The following PRKCA variants were observed in gnomAD, a reference collection of about 807,000 sequenced individuals.
PRKCA encodes protein kinase C alpha type.
In PRKCA, 27 loss-of-function variants were observed where a neutral mutation model predicts 87.0. That is an observed-to-expected ratio of 0.31 (90% CI 0.23 to 0.43). The LOEUF (loss-of-function observed/expected upper bound fraction) is 0.43. Ranked by LOEUF, PRKCA falls within the 20% of genes least tolerant of loss-of-function variation. The pLI is 1.00. For missense variants in PRKCA, 518 were observed against 852.3 expected, an observed-to-expected ratio of 0.61 and a Z score of 4.88; for synonymous variants, 329 against 311.1, an observed-to-expected ratio of 1.06 and a Z score of -0.61.
chr17:66,554,622 T>TG (rs1968441104), intron 3 of PRKCA: 2 of 790,048 alleles, frequency 2.5e-6, no homozygotes, highest in Non-Finnish European at 3.1e-6. Flanking sequence ...TTTTTTTTGG[T>TG]GGGGGGCACT....
intron 16 of PRKCA, 92 bp downstream of exon 16, chr17:66,789,071 G>A (rs1481118935): frequency 9.3e-5 from 128 of 1,371,670 alleles, no homozygotes; most frequent in East Asian, 1.1e-4. Context: ...AGAGGAGGCC[G>A]GTGCCCCTGG....
At chr17:66,469,178 C>T (rs1237126866) in intron 2 of PRKCA, among the ~76,000 whole-genome samples, 1 of 152,206 alleles carries the variant, frequency 6.6e-6, no homozygotes, top group African/African-American at 2.4e-5. Flanking sequence ...GCACCCTCCT[C>T]TACCCCCAGC....
At chr17:66,629,746 G>T (rs949915380) in intron 3 of PRKCA, among the ~76,000 whole-genome samples, 1 of 152,168 alleles carries the variant, frequency 6.6e-6, no homozygotes, top group African/African-American at 2.4e-5. Flanking sequence ...GTTAGGGGAG[G>T]GGAGGGCATG....
At chr17:66,652,064 T>G (rs1445231623) in intron 5 of PRKCA, among the ~76,000 whole-genome samples, 1 of 152,182 alleles carries the variant, frequency 6.6e-6, no homozygotes, top group Non-Finnish European at 1.5e-5. Context: ...ATTCAAGCGA[T>G]TCTCCTGCCT....
intron 16 of PRKCA, among the ~76,000 whole-genome samples, chr17:66,799,963 A>G (rs1975863469): frequency 6.6e-6 from 1 of 151,998 alleles, no homozygotes; most frequent in Non-Finnish European, 1.5e-5. Flanking sequence ...CTCCCTCAGA[A>G]TAAAAAGTTC....
chr17:66,349,146 T>G (rs1258467031), intron 2 of PRKCA, among the ~76,000 whole-genome samples: 1 of 152,146 alleles, frequency 6.6e-6, no homozygotes, highest in Non-Finnish European at 1.5e-5. Context: ...CTGTCCATAA[T>G]TTGAGAGTCA....
chr17:66,493,255 AGTT>A (rs1916320767), intron 2 of PRKCA, among the ~76,000 whole-genome samples: 1 of 150,238 alleles, frequency 6.7e-6, no homozygotes, highest in Admixed American at 6.6e-5. Flanking sequence ...TCATCCTCTG[AGTT>A]GTATATATGT....
intron 3 of PRKCA, among the ~76,000 whole-genome samples, chr17:66,506,792 T>C (rs1365199340): frequency 6.6e-6 from 1 of 152,252 alleles, no homozygotes; most frequent in Non-Finnish European, 1.5e-5. Context: ...AGCTTTTGAC[T>C]GGTTGGGATC....
intron 8 of PRKCA, among the ~76,000 whole-genome samples, chr17:66,718,157 A>G (rs1057293839): frequency 5.3e-5 from 8 of 151,192 alleles, no homozygotes; most frequent in Non-Finnish European, 7.4e-5. Flanking sequence ...TACAAACTGC[A>G]TATGTTTCTC....
intron 3 of PRKCA, among the ~76,000 whole-genome samples, chr17:66,602,531 G>A (rs541412473): frequency 7.3e-4 from 111 of 152,224 alleles, no homozygotes; most frequent in African/African-American, 2.5e-3. Flanking sequence ...CCCGTCTTCT[G>A]CGTCGCTCAC....
chr17:66,609,766 GTTTGGT>G (rs1970299354), intron 3 of PRKCA, among the ~76,000 whole-genome samples: 1 of 151,814 alleles, frequency 6.6e-6, no homozygotes, highest in African/African-American at 2.4e-5. Flanking sequence ...CATGGCTTTT[GTTTGGT>G]TTTGGCAAGG....
At chr17:66,345,525 C>G (rs1234613136) in intron 2 of PRKCA, among the ~76,000 whole-genome samples, 1 of 152,142 alleles carries the variant, frequency 6.6e-6, no homozygotes, top group African/African-American at 2.4e-5. Context: ...CTTGAGCCTC[C>G]CGAGGGATGC....
chr17:66,627,916 CT>C (rs1257306738), intron 3 of PRKCA, among the ~76,000 whole-genome samples: 1 of 152,152 alleles, frequency 6.6e-6, no homozygotes, highest in African/African-American at 2.4e-5. Flanking sequence ...GAATGGCTTG[CT>C]ACAATCGAAG....
chr17:66,561,462 C>T (rs575987426), intron 3 of PRKCA, among the ~76,000 whole-genome samples: 1 of 152,168 alleles, frequency 6.6e-6, no homozygotes, highest in Admixed American at 6.5e-5. Context: ...TAGTCTGAAT[C>T]CTTTTGGCTT....
chr17:66,761,229 G>T (rs1042345166), intron 13 of PRKCA, among the ~76,000 whole-genome samples: 1 of 151,646 alleles, frequency 6.6e-6, no homozygotes, highest in South Asian at 2.1e-4. Context: ...AATTAGCCGG[G>T]TGTGGTGGCG....
chr17:66,440,607 C>T (rs574433846), intron 2 of PRKCA, among the ~76,000 whole-genome samples: 3 of 152,246 alleles, frequency 2.0e-5, no homozygotes, highest in East Asian at 3.9e-4. Context: ...GCTGGAAGTG[C>T]ATACAACCGG....
intron 3 of PRKCA, among the ~76,000 whole-genome samples, chr17:66,543,256 G>A (rs1040242584): frequency 1.8e-4 from 28 of 152,240 alleles, no homozygotes; most frequent in African/African-American, 3.4e-4. Context: ...TATAGTTCAA[G>A]TATATTTAAT....
At chr17:66,393,665 T>TGTGC (rs1555597451) in intron 2 of PRKCA, among the ~76,000 whole-genome samples, 1 of 151,308 alleles carries the variant, frequency 6.6e-6, no homozygotes, top group Non-Finnish European at 1.5e-5. Context: ...TGTGTGTGTG[T>TGTGC]GCGCCGTCAA....
At chr17:66,655,533 A>T (rs188897571) in intron 5 of PRKCA, among the ~76,000 whole-genome samples, 5 of 152,142 alleles carry the variant, frequency 3.3e-5, no homozygotes, top group Non-Finnish European at 5.9e-5. Context: ...CCTGAAACCA[A>T]CCACTTTCTC....
Sources: gnomAD v4.1 joint callset for allele counts (sites outside exome capture counted in the v4.1 genomes callset) on GRCh38, gnomAD v4.1.1 for gene constraint, MANE v1.5 for transcripts, NCBI Gene and HGNC (gene_info 2026-07-23, HGNC 2026-07-21) for gene names.